Variants in PLPP1 observed in about 807,000 individuals in gnomAD.
The protein encoded by PLPP1 is phospholipid phosphatase 1, also known as lipid phosphate phosphohydrolase 1a.
A neutral mutation model predicts 31.2 loss-of-function variants in PLPP1; 24 were observed. The ratio of observed to expected loss-of-function variants is 0.77; its 90% CI spans 0.56 to 1.08. The LOEUF (loss-of-function observed/expected upper bound fraction) is 1.08, where lower values mean the gene tolerates loss of function less well. Among genes scored for constraint, PLPP1 ranks in the 50% least tolerant of loss-of-function variants. The pLI is 0.00. For missense variants in PLPP1, 319 were observed against 342.7 expected (o/e 0.93, Z 0.55); for synonymous variants, 146 against 126.3 (o/e 1.16, Z -1.05).
At chr5:55,519,749 AAAAAAAAAAAAG>A (rs1221065561) in intron 1 of PLPP1, among the ~76,000 whole-genome samples, 2 of 148,604 alleles carry the variant, frequency 1.3e-5, no homozygotes, top group Non-Finnish European at 3.0e-5. Flanking sequence ...TTCTGTCTCA[AAAAAAAAAAAAG>A]AAAAAGAAAA....
intron 3 of PLPP1, among the ~76,000 whole-genome samples, chr5:55,444,743 T>TGTGTGTGTGTGCGTG (rs368045819): frequency 7.3e-6 from 1 of 137,268 alleles, no homozygotes; most frequent in Non-Finnish European, 1.6e-5. Flanking sequence ...GGATTCTATT[T>TGTGTGTGTGTGCGTG]TGTGTGTGTG....
intron 1 of PLPP1, among the ~76,000 whole-genome samples, chr5:55,508,004 T>C (rs897127652): frequency 1.3e-5 from 2 of 152,164 alleles, no homozygotes; most frequent in Non-Finnish European, 2.9e-5. Context: ...ATTTCAGGCA[T>C]GTGCCACCAT....
At position 55,479,302 on chromosome 5, in the gene PLPP1, T is replaced by C. The variant is rs570948041; in HGVS notation, c.59-3852A>G. ...TTAGTCTCCCAAAGTGCTGGGATTA[T>C]AGGCGTGAGCCAGTGTGCCTAGCCA... On this transcript the variant is annotated intron_variant, in intron 1 of 5. Coordinates refer to ENST00000307259, the MANE Select transcript of PLPP1 (RefSeq NM_003711.4). Among the ~76,000 whole-genome samples, 3 of 152,314 alleles carry C rather than the reference T, an allele frequency of 2.0e-5. No individual in the cohort carries two copies. In the South Asian group the frequency reaches 6.2e-4, roughly 32 times the overall value.
chr5:55,488,264 ATAAC>A (rs1752815325), intron 1 of PLPP1, among the ~76,000 whole-genome samples: 1 of 151,842 alleles, frequency 6.6e-6, no homozygotes, highest in African/African-American at 2.4e-5. Flanking sequence ...TTATAATACT[ATAAC>A]TAAAAAAAAA....
chr5:55,493,983 T>G (rs762924372), intron 1 of PLPP1, among the ~76,000 whole-genome samples: 2 of 151,916 alleles, frequency 1.3e-5, no homozygotes, highest in Non-Finnish European at 2.9e-5. Context: ...AATTCGAGGC[T>G]ACGGTGAGCC....
chr5:55,534,507 G>C, intron 1 of PLPP1, 65 bp downstream of exon 1: 4 of 1,456,332 alleles, frequency 2.7e-6, no homozygotes, highest in Non-Finnish European at 3.7e-6. Flanking sequence ...GCCCGTCGCG[G>C]CTCTGCGCTA....
chr5:55,495,336 A>G (rs1752983121), intron 1 of PLPP1, among the ~76,000 whole-genome samples: 1 of 152,090 alleles, frequency 6.6e-6, no homozygotes, highest in Non-Finnish European at 1.5e-5. Context: ...GAAAACATGA[A>G]AAGAGGCTAT....
At chr5:55,463,957 T>G (rs1752227561) in intron 3 of PLPP1, among the ~76,000 whole-genome samples, 1 of 151,868 alleles carries the variant, frequency 6.6e-6, no homozygotes, top group South Asian at 2.1e-4. Flanking sequence ...TAATTTTTTT[T>G]TAATGGGTAA....
chr5:55,443,192 A>AAAAAAAAAAAAAAAAAAATAT, intron 3 of PLPP1, among the ~76,000 whole-genome samples: 1 of 25,436 alleles, frequency 3.9e-5, no homozygotes, highest in East Asian at 7.5e-4. Flanking sequence ...AAAAAAAAAA[A>AAAAAAAAAAAAAAAAAAATAT]ATATATATAT....
intron 1 of PLPP1, among the ~76,000 whole-genome samples, chr5:55,477,855 C>G (rs1053882407): frequency 6.6e-6 from 1 of 152,060 alleles, no homozygotes; most frequent in African/African-American, 2.4e-5. Flanking sequence ...TGGCATGCAC[C>G]TGTAGTCCCG....
chr5:55,528,462 T>C (rs1185607691), intron 1 of PLPP1, among the ~76,000 whole-genome samples: 2 of 152,270 alleles, frequency 1.3e-5, no homozygotes, highest in Non-Finnish European at 2.9e-5. Flanking sequence ...ATCTTATTCA[T>C]CTTTGTATCC....
At chr5:55,489,782 T>G (rs1007151570) in intron 1 of PLPP1, among the ~76,000 whole-genome samples, 7 of 152,144 alleles carry the variant, frequency 4.6e-5, no homozygotes, top group Non-Finnish European at 1.0e-4. Flanking sequence ...GCTACTGAGT[T>G]TACTGAGACA....
intron 1 of PLPP1, among the ~76,000 whole-genome samples, chr5:55,524,423 C>T (rs1483116816): frequency 2.0e-5 from 3 of 152,134 alleles, no homozygotes; most frequent in Non-Finnish European, 4.4e-5. Context: ...TATTACACAA[C>T]GGTTTTTCCT....
chr5:55,467,896 CCT>C lies in PLPP1; in HGVS notation c.462_463del (p.Gly155GlufsTer6), dbSNP rs1181370838. 1.2e-6 allele frequency: 2 copies of C among 1,612,976 alleles called. No homozygotes were observed. The highest frequency in any genetic ancestry group is 2.7e-5 in the African/African-American group (2 of 74,906). ...GCCTTCCTTAACTCTTTCTGCATTC[CCT>C]CGACATATGTAGTATTCAATGTAAC... On this transcript the variant is annotated frameshift_variant, in exon 3 of 6. Coordinates refer to ENST00000307259, the MANE Select transcript of PLPP1 (RefSeq NM_003711.4). LOFTEE classifies it high-confidence loss of function.
intron 1 of PLPP1, among the ~76,000 whole-genome samples, chr5:55,494,312 A>G (rs542715755): frequency 6.6e-6 from 1 of 152,352 alleles, no homozygotes; most frequent in South Asian, 2.1e-4. Context: ...AATGTTTTGA[A>G]TATAGAAATG....
chr5:55,483,540 C>T (rs898055621), intron 1 of PLPP1, among the ~76,000 whole-genome samples: 3 of 151,812 alleles, frequency 2.0e-5, no homozygotes, highest in African/African-American at 4.8e-5. Flanking sequence ...GGCATGGTGG[C>T]ACATGCCTGT....
intron 3 of PLPP1, among the ~76,000 whole-genome samples, chr5:55,463,173 G>A (rs1349977233): frequency 1.3e-5 from 2 of 151,838 alleles, no homozygotes; most frequent in East Asian, 1.9e-4. Context: ...ATCACACACC[G>A]GGGCCTGTCA....
Position 55,441,912 on chromosome 5 carries a change from G to A in PLPP1, c.492-4C>T, listed in dbSNP as rs1751629316. 23 of 1,612,182 alleles carry A rather than the reference G, an allele frequency of 1.4e-5. No individual in the cohort carries two copies. In the East Asian group the frequency reaches 4.9e-4, roughly 34 times the overall value. ...GTGGCCTGAATAGAAGGACAACCTG[G>A]AAGAAAAAGAAGACAAATGTTACTT... On this transcript the variant is annotated splice_region_variant and splice_polypyrimidine_tract_variant and intron_variant, in intron 3 of 5. Transcript: ENST00000307259.
intron 1 of PLPP1, among the ~76,000 whole-genome samples, chr5:55,532,610 T>C (rs2111967014): frequency 6.6e-6 from 1 of 152,304 alleles, no homozygotes; most frequent in African/African-American, 2.4e-5. Flanking sequence ...CAAATAAATT[T>C]GAATATATTT....
Sources: gnomAD v4.1 joint callset for allele counts (sites outside exome capture counted in the v4.1 genomes callset) on GRCh38, gnomAD v4.1.1 for gene constraint, MANE v1.5 for transcripts, NCBI Gene and HGNC (gene_info 2026-07-23, HGNC 2026-07-21) for gene names.